Variants in SLC7A11 observed in about 807,000 individuals in gnomAD.
SLC7A11 encodes the protein cystine/glutamate transporter.
In SLC7A11, 35 loss-of-function variants were observed where a neutral mutation model predicts 54.5. The observed-to-expected ratio is 0.64, with a 90% confidence interval of 0.49 to 0.85. The LOEUF (loss-of-function observed/expected upper bound fraction) is 0.85, where lower values mean the gene tolerates loss of function less well. SLC7A11 is among the 40% of genes least tolerant of loss of function. The pLI, the probability that SLC7A11 is intolerant of heterozygous loss-of-function variation, is 0.00. For synonymous variants in SLC7A11, 230 were observed against 225.2 expected (o/e 1.02, Z -0.19); for missense variants, 583 against 618.1 (o/e 0.94, Z 0.60).
intron 6 of SLC7A11, among the ~76,000 whole-genome samples, chr4:138,190,039 C>T (rs1736971415): frequency 6.6e-6 from 1 of 152,108 alleles, no homozygotes; most frequent in Admixed American, 6.6e-5. Flanking sequence ...CATATACACT[C>T]CCCTCTGTTG....
intron 6 of SLC7A11, among the ~76,000 whole-genome samples, chr4:138,190,681 C>T (rs977427250): frequency 1.3e-5 from 2 of 152,092 alleles, no homozygotes; most frequent in African/African-American, 4.8e-5. Flanking sequence ...AAAAGCTATC[C>T]GTATTTTTCA....
chr4:138,221,438 GATC>G (rs1737810348), intron 4 of SLC7A11, among the ~76,000 whole-genome samples: 1 of 152,132 alleles, frequency 6.6e-6, no homozygotes, highest in Admixed American at 6.5e-5. Context: ...AAAAATGTGT[GATC>G]ATGTTAGAGA....
chr4:138,236,414 C>T lies in SLC7A11; in HGVS notation c.315G>A (p.Lys105=), dbSNP rs1304604230. The change falls in exon 2 of 12, where the codon AAG becomes AAA. Residue 105 remains lysine (K), a synonymous_variant. Coordinates refer to ENST00000280612, the MANE Select transcript of SLC7A11 (RefSeq NM_014331.4). Reference sequence around the variant, plus strand: ...TATATGTGTAATGACCTCCAGATTTCTTTATAGTTGTTCCCAATTCAGCAT... The same window carrying T: ...TATATGTGTAATGACCTCCAGATTTTTTTATAGTTGTTCCCAATTCAGCAT... ...LSYAELGTTI[K]KSGGHYTYIL... is the part of the protein sequence containing the mutation. The T allele has an allele frequency of 6.2e-7, 1 of 1,612,266 alleles. No individual in the cohort carries two copies. The highest frequency in any genetic ancestry group is 8.5e-7 in the Non-Finnish European group (1 of 1,179,216).
chr4:138,234,817 G>A (rs1738166617), intron 2 of SLC7A11, among the ~76,000 whole-genome samples: 1 of 152,196 alleles, frequency 6.6e-6, no homozygotes, highest in Non-Finnish European at 1.5e-5. Context: ...TGAAGACGGA[G>A]TCAAGTCCAA....
intron 9 of SLC7A11, among the ~76,000 whole-genome samples, chr4:138,181,370 G>C (rs535881698): frequency 6.6e-6 from 1 of 152,014 alleles, no homozygotes; most frequent in Non-Finnish European, 1.5e-5. Flanking sequence ...AGACCACGGA[G>C]AAGAATGAAG....
Position 138,169,421 on chromosome 4 carries a change from T to C in SLC7A11, c.*2535A>G, listed in dbSNP as rs1474386030. On this transcript the variant is annotated 3_prime_UTR_variant, in exon 12 of 12. Transcript: ENST00000280612. ...TTTTTTTCTTAATTACTGGCTGACTTTTTTTCTGCGTGAAATGGCATTACA... is the reference window on the plus strand; with the variant it reads ...TTTTTTTCTTAATTACTGGCTGACTCTTTTTCTGCGTGAAATGGCATTACA... The C allele has an allele frequency of 6.6e-6, 1 of 152,088 alleles. No individual in the cohort carries two copies. Among genetic ancestry groups the C allele is most frequent in the Admixed American group, 6.5e-5 (1 of 15,274 alleles). 9.4% of individuals were successfully genotyped at this position (152,088 alleles called of 1,614,324 possible). A position where few individuals can be genotyped will look rare whatever the true frequency, so the allele number is the denominator to read the frequency against.
intron 7 of SLC7A11, among the ~76,000 whole-genome samples, chr4:138,184,431 AG>A (rs1736825865): frequency 6.6e-6 from 1 of 152,154 alleles, no homozygotes; most frequent in Non-Finnish European, 1.5e-5. Context: ...GCAAAATAAA[AG>A]TGTATCACAG....
chr4:138,213,860 T>C (rs749029003), intron 6 of SLC7A11, among the ~76,000 whole-genome samples: 4 of 152,144 alleles, frequency 2.6e-5, no homozygotes, highest in Non-Finnish European at 5.9e-5. Context: ...ATGAATTAAA[T>C]AACTTTATAA....
chr4:138,236,503 C>G (rs1738211624), intron 1 of SLC7A11, 52 bp from the exon 2 acceptor site: 1 of 1,535,552 alleles, frequency 6.5e-7, no homozygotes, highest in Non-Finnish European at 8.8e-7. Flanking sequence ...TTTCAAGACA[C>G]CCAGCATTAG....
At chr4:138,187,227 G>A (rs1248901060) in intron 6 of SLC7A11, among the ~76,000 whole-genome samples, 4 of 152,062 alleles carry the variant, frequency 2.6e-5, no homozygotes, top group African/African-American at 4.8e-5. Flanking sequence ...TTCCTAAATT[G>A]ATCTAAGCAG....
At chr4:138,217,453 T>A (rs1336024361) in intron 5 of SLC7A11, among the ~76,000 whole-genome samples, 1 of 152,170 alleles carries the variant, frequency 6.6e-6, no homozygotes, top group Non-Finnish European at 1.5e-5. Flanking sequence ...GAAAAGGGTC[T>A]TCATCCATGG....
chr4:138,183,522 T>A (rs1329911609), intron 7 of SLC7A11, among the ~76,000 whole-genome samples: 1 of 152,138 alleles, frequency 6.6e-6, no homozygotes, highest in African/African-American at 2.4e-5. Context: ...GTCAAAGATC[T>A]AAACAAGCAC....
intron 6 of SLC7A11, among the ~76,000 whole-genome samples, chr4:138,208,052 G>A (rs890799674): frequency 1.3e-5 from 2 of 152,050 alleles, no homozygotes; most frequent in African/African-American, 2.4e-5. Flanking sequence ...CTGCCTTAAA[G>A]GTCTTTGGGC....
At chr4:138,212,369 C>T (rs952523918) in intron 6 of SLC7A11, among the ~76,000 whole-genome samples, 3 of 151,652 alleles carry the variant, frequency 2.0e-5, no homozygotes, top group Admixed American at 1.3e-4. Flanking sequence ...TAATGACAAC[C>T]AAACAATTAT....
chr4:138,201,848 A>T (rs1472487932), intron 6 of SLC7A11, among the ~76,000 whole-genome samples: 3 of 152,178 alleles, frequency 2.0e-5, no homozygotes, highest in Non-Finnish European at 4.4e-5. Flanking sequence ...TAAGGTAAGC[A>T]TTAGAATACC....
chr4:138,241,647 T>TA, intron 1 of SLC7A11, 146 bp downstream of exon 1: 1 of 626,334 alleles, frequency 1.6e-6, no homozygotes, highest in East Asian at 2.7e-5. Context: ...TGCATCTGGG[T>TA]AGTTCACGTA....
intron 11 of SLC7A11, among the ~76,000 whole-genome samples, chr4:138,172,739 C>G (rs1425983987): frequency 1.3e-5 from 2 of 152,166 alleles, no homozygotes; most frequent in African/African-American, 4.8e-5. Context: ...TTTTTTCCTT[C>G]AGAACCATTG....
In SLC7A11 at chr4:138,242,260, C is replaced by A. The variant is rs1479622900; in HGVS notation, c.-191G>T. On this transcript the variant is annotated 5_prime_UTR_variant, in exon 1 of 12. Transcript: ENST00000280612. ...CAGCGATCTAATTACTACTCAGAAA[C>A]ACCTGTGTATGCATCGTGCTCTCAA... 1.6e-6 allele frequency: 1 copy of A among 636,098 alleles called. No homozygotes were observed. The highest frequency in any genetic ancestry group is 2.9e-5 in the Admixed American group (1 of 34,316). 39.4% of individuals were successfully genotyped at this position (636,098 alleles called of 1,614,324 possible).
chr4:138,166,357 A>G lies in SLC7A11; in HGVS notation c.*5599T>C, dbSNP rs1220937774. On this transcript the variant is annotated 3_prime_UTR_variant, in exon 12 of 12. Transcript: ENST00000280612. ...AATAGGTTTTCCCACAAGATGCTGTAATAATACCCTGTCACACAAGGTACT... is the reference window on the plus strand; with the variant it reads ...AATAGGTTTTCCCACAAGATGCTGTGATAATACCCTGTCACACAAGGTACT... The G allele has an allele frequency of 6.6e-6, 1 of 152,234 alleles. No individual in the cohort carries two copies. Among genetic ancestry groups the G allele is most frequent in the Non-Finnish European group, 1.5e-5 (1 of 68,034 alleles). The allele number at this position is 152,234 out of a possible 1,614,324, so 9.4% of individuals were successfully genotyped here.
Sources: allele counts gnomAD v4.1 joint callset (sites outside exome capture counted in the v4.1 genomes callset), GRCh38; gene constraint gnomAD v4.1.1; transcripts MANE v1.5; gene names NCBI Gene and HGNC (gene_info 2026-07-23, HGNC 2026-07-21).